XPOT: variants seen among roughly 807,000 people sequenced by gnomAD.
XPOT encodes exportin for tRNA.
In XPOT, 34 loss-of-function variants were observed where a neutral mutation model predicts 128.2. The ratio of observed to expected loss-of-function variants is 0.27; its 90% confidence interval spans 0.20 to 0.35. The LOEUF is 0.35. Ranked by LOEUF, XPOT falls within the 10% of genes least tolerant of loss-of-function variation. The pLI, the probability that XPOT is intolerant of heterozygous loss-of-function variation, is 1.00. For synonymous variants in XPOT, 348 were observed against 394.3 expected (o/e 0.88, Z 1.39); for missense variants, 838 against 1,125.3 (o/e 0.74, Z 3.65).
chr12:64,428,184 C>G (rs929353369), intron 16 of XPOT, 64 bp downstream of exon 16: 20 of 1,166,380 alleles, frequency 1.7e-5, no homozygotes, highest in Non-Finnish European at 2.3e-5. Context: ...TGCCATTAGC[C>G]TTGCCTTTGT....
intron 4 of XPOT, among the ~76,000 whole-genome samples, chr12:64,417,637 A>G (rs75180736): frequency 0.039 from 5,944 of 152,280 alleles, 379 homozygotes; most frequent in African/African-American, 0.14. Flanking sequence ...GTTTTTCTAC[A>G]TGACAATTCT....
chr12:64,409,018 T>TG (rs762215149), intron 1 of XPOT, among the ~76,000 whole-genome samples: 1 of 152,064 alleles, frequency 6.6e-6, no homozygotes, highest in East Asian at 1.9e-4. Context: ...TTTTTTTTTT[T>TG]GAAATTTTTA....
In XPOT at chr12:64,419,019, A is replaced by T; in HGVS notation, c.414A>T (p.Gly138=). The T allele has an allele frequency of 6.2e-7, 1 of 1,613,676 alleles. No individual in the cohort carries two copies. The highest frequency in any genetic ancestry group is 1.1e-5 in the South Asian group (1 of 91,050). Residue 138 remains glycine (G), a synonymous_variant, in exon 6 of 25, where the codon GGA becomes GGT. Coordinates refer to ENST00000332707, the MANE Select transcript of XPOT (RefSeq NM_007235.6). Reference sequence around the variant, plus strand: ...CAGTAGTGGACCTAAATCCAAGGGGAGTAGATCTCTACCTGCGAATCCTCA... The same window carrying T: ...CAGTAGTGGACCTAAATCCAAGGGGTGTAGATCTCTACCTGCGAATCCTCA... ...ILSVVDLNPR[G]VDLYLRILMA...
rs915385888 is a variant in XPOT, at chr12:64,425,661, C to G, written c.1573-154C>G. ...TCAACTAAAACAAGTTCTCAAGGGA[C>G]TGTTTGTGTGTAGTTTAGAATTACT... On this transcript the variant is annotated intron_variant, in intron 14 of 24. Transcript: ENST00000332707. 7 of 949,192 alleles carry G rather than the reference C, an allele frequency of 7.4e-6. No homozygotes were observed. The African/African-American group carries it at 9.9e-5, about 13-fold the overall frequency. The allele number at this position is 949,192 out of a possible 1,614,324, so 58.8% of individuals were successfully genotyped here.
intron 19 of XPOT, 36 bp downstream of exon 19, chr12:64,433,639 A>C (rs760800959): frequency 1.2e-5 from 18 of 1,545,376 alleles, no homozygotes; most frequent in African/African-American, 2.7e-5. Context: ...TGTCTGCTTA[A>C]GTCTGTGTCA....
intron 2 of XPOT, 78 bp downstream of exon 2, chr12:64,410,173 G>A: frequency 7.2e-7 from 1 of 1,384,674 alleles, no homozygotes; most frequent in Non-Finnish European, 1.0e-6. Flanking sequence ...AAATGCACCT[G>A]GCAAAAGTTT....
intron 1 of XPOT, among the ~76,000 whole-genome samples, chr12:64,406,228 A>G (rs1476140291): frequency 6.6e-6 from 1 of 151,508 alleles, no homozygotes; most frequent in Non-Finnish European, 1.5e-5. Flanking sequence ...GGCGCAGGCC[A>G]CCATGCCCAG....
At chr12:64,412,616 A>G (rs901952022) in intron 2 of XPOT, among the ~76,000 whole-genome samples, 36 of 152,176 alleles carry the variant, frequency 2.4e-4, no homozygotes, top group African/African-American at 8.4e-4. Flanking sequence ...AAAGAGAGAC[A>G]TTATTTACTC....
intron 23 of XPOT, chr12:64,442,465 C>G (rs527575299): frequency 3.3e-5 from 5 of 152,282 alleles, no homozygotes; most frequent in African/African-American, 1.2e-4. Flanking sequence ...CCAAGGTAAC[C>G]CCATATCAAT....
rs2040207812 is a variant in XPOT at position 64,428,089 on chromosome 12, G to T, written c.1706G>T (p.Arg569Ile). The T allele has an allele frequency of 6.3e-7, 1 of 1,575,750 alleles. No homozygotes were observed. The highest frequency in any genetic ancestry group is 1.4e-5 in the African/African-American group (1 of 74,064). Residue 569 changes from arginine (R) to isoleucine (I), a missense_variant, in exon 16 of 25, where the codon AGA (arginine) becomes ATA (isoleucine). This residue lies in a region of XPOT where 761 missense variants were observed against 988.3 expected (regional missense o/e 0.77). Coordinates refer to ENST00000332707, the MANE Select transcript of XPOT (RefSeq NM_007235.6). Reference sequence around the variant, plus strand: ...CCTTTCATTGAGGATATTTTGAATAGAATACAAGATTTATTAGAGCTTTCT... The same window carrying T: ...CCTTTCATTGAGGATATTTTGAATATAATACAAGATTTATTAGAGCTTTCT... ...MNPFIEDILN[R>I]IQDLLELSPP...
At position 64,445,160 on chromosome 12, in the gene XPOT, C is replaced by T; in HGVS notation, c.2862+29C>T. 6 of 1,538,890 alleles carry T rather than the reference C, an allele frequency of 3.9e-6. 1 individual carries two copies. In the South Asian group the frequency reaches 5.8e-5, roughly 15 times the overall value. ...GGTATTTGTGAAGCTCACGTATCTT[C>T]ATACAATTAGGTAATGTTTGAGAGC... On this transcript the variant is annotated intron_variant, in intron 24 of 24. Coordinates refer to ENST00000332707, the MANE Select transcript of XPOT (RefSeq NM_007235.6).
intron 19 of XPOT, among the ~76,000 whole-genome samples, chr12:64,434,287 C>CCCGGT (rs1015667310): frequency 6.6e-6 from 1 of 152,186 alleles, no homozygotes; most frequent in African/African-American, 2.4e-5. Context: ...GGAGCCACCG[C>CCCGGT]GCCCAGCTGA....
At chr12:64,443,983 A>C (rs2040347534) in intron 23 of XPOT, among the ~76,000 whole-genome samples, 1 of 152,186 alleles carries the variant, frequency 6.6e-6, no homozygotes, top group African/African-American at 2.4e-5. Flanking sequence ...CTTAGTGCTC[A>C]TCAAAAGTAG....
intron 11 of XPOT, among the ~76,000 whole-genome samples, chr12:64,424,319 C>T (rs931439490): frequency 3.3e-4 from 50 of 152,064 alleles, no homozygotes; most frequent in African/African-American, 1.2e-3. Context: ...TATTTGTGAG[C>T]TGGAGGGAAG....
intron 23 of XPOT, among the ~76,000 whole-genome samples, chr12:64,441,632 C>G (rs550048662): frequency 6.6e-6 from 1 of 152,058 alleles, no homozygotes; most frequent in Non-Finnish European, 1.5e-5. Context: ...ATCTGTACGT[C>G]ACTTTGTTTT....
chr12:64,430,128 G>C lies in XPOT; in HGVS notation c.1817G>C (p.Ser606Thr). 6.2e-7 allele frequency: 1 copy of C among 1,613,910 alleles called. No individual in the cohort carries two copies. The highest frequency in any genetic ancestry group is 8.5e-7 in the Non-Finnish European group (1 of 1,179,842). The change falls in exon 17 of 25, where the codon AGT becomes ACT. Residue 606 changes from serine to threonine, a missense_variant. Physicochemically the swap from Ser to Thr is moderately conservative, Grantham distance 58. Transcript: ENST00000332707. ...ACAGCTGGAGTGCTGATTGTTAATA[G>C]TGAATATCCGGCAGAAAGGAAACAA... ...YETAGVLIVN[S>T]EYPAERKQAL...
rs966247521 is a variant in XPOT, at chr12:64,449,108, T to C, written c.*977T>C. On this transcript the variant is annotated 3_prime_UTR_variant, in exon 25 of 25. Transcript: ENST00000332707. Reference sequence around the variant, plus strand: ...TACTCAGGAGGCTGAGGCAGGAGAATCGCTTGAACCCGGAAGGCAGAGGTT... The same window carrying C: ...TACTCAGGAGGCTGAGGCAGGAGAACCGCTTGAACCCGGAAGGCAGAGGTT... 4 of 151,192 alleles carry C rather than the reference T, an allele frequency of 2.6e-5. No homozygotes were observed. Among genetic ancestry groups the C allele is most frequent in the African/African-American group, 7.3e-5 (3 of 40,958 alleles). 9.4% of individuals were successfully genotyped at this position (151,192 alleles called of 1,614,324 possible).
Position 64,423,057 on chromosome 12 carries a change from T to TTTC in XPOT, c.1119+14_1119+15insTTC. 6.2e-7 allele frequency: 1 copy of TTTC among 1,612,918 alleles called. No homozygotes were observed. The highest frequency in any genetic ancestry group is 8.5e-7 in the Non-Finnish European group (1 of 1,179,712). On this transcript the variant is annotated intron_variant, in intron 10 of 24. Coordinates refer to ENST00000332707, the MANE Select transcript of XPOT (RefSeq NM_007235.6). ...GCTAATGTAGAGGTAATTGACTTTA[T>TTTC]GCTTCTTTTAAACCAATGATAGATT...
At chr12:64,413,101 A>T (rs1242110151) in intron 2 of XPOT, among the ~76,000 whole-genome samples, 1 of 152,108 alleles carries the variant, frequency 6.6e-6, no homozygotes, top group African/African-American at 2.4e-5. Flanking sequence ...TCAACACTCT[A>T]ATCAGTTGAT....
Sources: gnomAD v4.1 joint callset for allele counts (sites outside exome capture counted in the v4.1 genomes callset) on GRCh38, gnomAD v4.1.1 for gene constraint, gnomAD v4.1.1 regional missense constraint, MANE v1.5 for transcripts, NCBI Gene and HGNC (gene_info 2026-07-23, HGNC 2026-07-21) for gene names.